KCNIP4: variants seen among roughly 807,000 people sequenced by gnomAD.
KCNIP4 encodes the protein Kv channel-interacting protein 4.
A neutral mutation model predicts 34.0 loss-of-function variants in KCNIP4; 12 were observed. That is an observed-to-expected ratio of 0.35 (90% CI 0.23 to 0.57). KCNIP4 has a LOEUF of 0.57. Among genes scored for constraint, KCNIP4 ranks in the 20% least tolerant of loss-of-function variants. The pLI is 0.83. For missense variants in KCNIP4, 238 were observed against 311.7 expected (o/e 0.76, Z 1.78); for synonymous variants, 124 against 102.2 (o/e 1.21, Z -1.29).
At chr4:20,899,177 A>G (rs961413037) in intron 1 of KCNIP4, among the ~76,000 whole-genome samples, 7 of 152,186 alleles carry the variant, frequency 4.6e-5, no homozygotes, top group Middle Eastern at 3.2e-3. Flanking sequence ...AATAAATTGT[A>G]TTTTTTAAAA....
chr4:21,265,406 T>A (rs373946952), intron 1 of KCNIP4, among the ~76,000 whole-genome samples: 1 of 152,204 alleles, frequency 6.6e-6, no homozygotes, highest in East Asian at 1.9e-4. Context: ...TAAGAAAATT[T>A]TAAGTAAAAA....
At chr4:21,173,744 A>C (rs946532285) in intron 1 of KCNIP4, among the ~76,000 whole-genome samples, 2 of 152,176 alleles carry the variant, frequency 1.3e-5, no homozygotes, top group Non-Finnish European at 2.9e-5. Context: ...CCACCTGCTA[A>C]ATCACATCTC....
intron 1 of KCNIP4, among the ~76,000 whole-genome samples, chr4:21,528,612 A>G (rs1377509896): frequency 6.6e-6 from 1 of 150,980 alleles, no homozygotes; most frequent in African/African-American, 2.4e-5. Context: ...GGTTGCAGTG[A>G]GCCAAGAACG....
intron 1 of KCNIP4, among the ~76,000 whole-genome samples, chr4:21,108,368 C>T (rs1020622840): frequency 2.7e-5 from 4 of 150,734 alleles, no homozygotes; most frequent in Admixed American, 2.0e-4. Context: ...TCACTGATAC[C>T]CTTTCTTCCA....
At chr4:21,394,616 C>A (rs1279318481) in intron 1 of KCNIP4, among the ~76,000 whole-genome samples, 1 of 151,974 alleles carries the variant, frequency 6.6e-6, no homozygotes, top group African/African-American at 2.4e-5. Flanking sequence ...GTCATAGGCT[C>A]GAACAAGAGC....
intron 1 of KCNIP4, among the ~76,000 whole-genome samples, chr4:21,447,642 G>A (rs1728146406): frequency 6.6e-6 from 1 of 152,116 alleles, no homozygotes; most frequent in South Asian, 2.1e-4. Context: ...TTTAGGTACA[G>A]TAAGATATTA....
At chr4:21,681,112 G>T (rs1750306382) in intron 1 of KCNIP4, among the ~76,000 whole-genome samples, 2 of 151,688 alleles carry the variant, frequency 1.3e-5, no homozygotes, top group Admixed American at 6.6e-5. Flanking sequence ...GTCTTACTTT[G>T]TCACCCAGGT....
At chr4:21,493,773 C>A (rs115143808) in intron 1 of KCNIP4, among the ~76,000 whole-genome samples, 8 of 152,250 alleles carry the variant, frequency 5.3e-5, no homozygotes, top group African/African-American at 1.9e-4. Flanking sequence ...ATCTAAGACT[C>A]CCTACCATAA....
chr4:21,123,729 G>C (rs1469312268), intron 1 of KCNIP4, among the ~76,000 whole-genome samples: 1 of 152,134 alleles, frequency 6.6e-6, no homozygotes, highest in Non-Finnish European at 1.5e-5. Context: ...GTTGAGATAA[G>C]GTCATGTGGG....
intron 1 of KCNIP4, among the ~76,000 whole-genome samples, chr4:21,197,180 T>C (rs1354067821): frequency 2.0e-5 from 3 of 152,222 alleles, no homozygotes; most frequent in Non-Finnish European, 4.4e-5. Context: ...GGGTTGTTTC[T>C]AATATTTGGT....
chr4:20,795,770 T>C (rs1713369638), intron 3 of KCNIP4, among the ~76,000 whole-genome samples: 1 of 152,228 alleles, frequency 6.6e-6, no homozygotes, highest in Admixed American at 6.5e-5. Context: ...CAATAACAGA[T>C]CTATTGTCAC....
intron 1 of KCNIP4, among the ~76,000 whole-genome samples, chr4:21,943,765 G>A (rs1292190950): frequency 6.6e-6 from 1 of 152,050 alleles, no homozygotes; most frequent in Non-Finnish European, 1.5e-5. Flanking sequence ...AATTTAGTTG[G>A]TTTTGAGTGG....
At chr4:21,812,148 C>CA (rs919183227) in intron 1 of KCNIP4, among the ~76,000 whole-genome samples, 1 of 152,246 alleles carries the variant, frequency 6.6e-6, no homozygotes, top group East Asian at 1.9e-4. Flanking sequence ...TCTAGTTCTA[C>CA]AAAAAGAGGC....
Position 20,999,438 on chromosome 4 carries a change from G to GTTTTTTTT in KCNIP4, c.62-116737_62-116730dup, listed in dbSNP as rs56952036. On this transcript the variant is annotated intron_variant, in intron 1 of 8. Transcript: ENST00000382152. The stretch of plus-strand genomic sequence containing the variant: ...TGTTTTTTTTTTTTGTTTGTTTTTT[G>GTTTTTTTT]TTTTTTTTTTTTTTTTTTATCTTGA... Among the ~76,000 whole-genome samples the GTTTTTTTT allele has an allele frequency of 2.7e-3, 122 of 45,450 alleles. 1 individual carries two copies. The highest frequency in any genetic ancestry group is 3.2e-3 in the Non-Finnish European group (77 of 24,076). 29.8% of individuals were successfully genotyped at this position (45,450 alleles called of 152,430 possible). A position where few individuals can be genotyped will look rare whatever the true frequency, so the allele number is the denominator to read the frequency against.
In KCNIP4 at chr4:20,974,618, G is replaced by A. The variant is rs115253005; in HGVS notation, c.62-91909C>T. 6.2e-3 allele frequency among the ~76,000 whole-genome samples: 948 copies of A among 152,248 alleles called. 13 individuals carry two copies. Among genetic ancestry groups the A allele is most frequent in the African/African-American group, 0.022 (899 of 41,542 alleles). The stretch of plus-strand genomic sequence containing the variant: ...AAGTGTTGCTCAGATGCAGCTCAAA[G>A]ATCACCTCTTTGAGTCCGTTCTGAT... On this transcript the variant is annotated intron_variant, in intron 1 of 8. Coordinates refer to ENST00000382152, the MANE Select transcript of KCNIP4 (RefSeq NM_025221.6).
rs539069539 is a variant in KCNIP4 at position 21,899,145 on chromosome 4, C to T, written c.61+49426G>A. Among the ~76,000 whole-genome samples, 11 of 152,170 alleles carry T rather than the reference C, an allele frequency of 7.2e-5. No individual in the cohort carries two copies. The East Asian group carries it at 1.9e-3, about 27-fold the overall frequency. On this transcript the variant is annotated intron_variant, in intron 1 of 8. Coordinates refer to ENST00000382152, the MANE Select transcript of KCNIP4 (RefSeq NM_025221.6). ...GATAGTTCAACACACACAAATCAAT[C>T]AATGTGATACATAATGTCAAAAGAA... is the stretch of plus-strand genomic sequence containing the variant.
rs145114297 is a variant in KCNIP4 at position 21,058,178 on chromosome 4, G to A, written c.62-175469C>T. Among the ~76,000 whole-genome samples the A allele has an allele frequency of 3.9e-3, 594 of 152,192 alleles. 5 individuals are homozygous for A. Among genetic ancestry groups the A allele is most frequent in the Non-Finnish European group, 6.5e-3 (445 of 68,008 alleles). ...TGATTAATCAAAATACAACAAGGCAGAAATGAGGAAAGATGCAAACTTTTA... is the reference window on the plus strand; with the variant it reads ...TGATTAATCAAAATACAACAAGGCAAAAATGAGGAAAGATGCAAACTTTTA... On this transcript the variant is annotated intron_variant, in intron 1 of 8. Coordinates refer to ENST00000382152, the MANE Select transcript of KCNIP4 (RefSeq NM_025221.6).
intron 1 of KCNIP4, among the ~76,000 whole-genome samples, chr4:21,407,340 A>G (rs1486345369): frequency 6.6e-6 from 1 of 151,970 alleles, no homozygotes; most frequent in Non-Finnish European, 1.5e-5. Context: ...ACTTCCCTCT[A>G]TATCTTTATT....
At chr4:21,752,460 G>A (rs189290044) in intron 1 of KCNIP4, among the ~76,000 whole-genome samples, 292 of 152,052 alleles carry the variant, frequency 1.9e-3, no homozygotes, top group Admixed American at 6.2e-3. Context: ...AACAGCATGG[G>A]GCACACTACC....
Sources: allele counts gnomAD v4.1 joint callset (sites outside exome capture counted in the v4.1 genomes callset), GRCh38; gene constraint gnomAD v4.1.1; transcripts MANE v1.5; gene names NCBI Gene and HGNC (gene_info 2026-07-23, HGNC 2026-07-21).